ADHFE1: variants seen among roughly 807,000 people sequenced by gnomAD.
ADHFE1 encodes the protein hydroxyacid-oxoacid transhydrogenase, mitochondrial.
Under a neutral mutation model 54.8 loss-of-function variants are expected in ADHFE1, and 37 were observed. That is an observed-to-expected ratio of 0.68 (90% CI 0.52 to 0.89). The LOEUF (loss-of-function observed/expected upper bound fraction) is 0.89. ADHFE1 is among the 40% of genes least tolerant of loss of function. The pLI, the probability that ADHFE1 is intolerant of heterozygous loss-of-function variation, is 0.00. For missense variants in ADHFE1, 601 were observed against 591.2 expected (o/e 1.02, Z -0.17); for synonymous variants, 203 against 229.3 (o/e 0.89, Z 1.04).
chr8:66,448,644 C>T (rs1806151099), intron 7 of ADHFE1, among the ~76,000 whole-genome samples: 1 of 152,228 alleles, frequency 6.6e-6, no homozygotes, highest in South Asian at 2.1e-4. Flanking sequence ...GATGCATACA[C>T]ATGGCCCTTG....
Position 66,454,157 on chromosome 8 carries a change from G to A in ADHFE1, c.986G>A (p.Cys329Tyr). 1 of 1,613,842 alleles carries A rather than the reference G, an allele frequency of 6.2e-7. No individual in the cohort carries two copies. Among genetic ancestry groups the A allele is most frequent in the Non-Finnish European group, 8.5e-7 (1 of 1,179,906 alleles). ...TTTGGAAATGCTGGTGTTCATCTGT[G>A]GTGAGCAAGTCTGAGATTTCATTTC... Reference protein sequence around the residue: ...IGFGNAGVHLCHGMSYPISGL... With the variant: ...IGFGNAGVHLYHGMSYPISGL... Residue 329 changes from cysteine (C) to tyrosine (Y), a missense_variant and splice_region_variant, in exon 10 of 14, where the codon TGC becomes TAC. Physicochemically the swap from Cys to Tyr is radical, Grantham distance 194. Coordinates refer to ENST00000396623, the MANE Select transcript of ADHFE1 (RefSeq NM_144650.3).
chr8:66,443,055 C>A (rs1805839376), intron 3 of ADHFE1, among the ~76,000 whole-genome samples: 1 of 152,078 alleles, frequency 6.6e-6, no homozygotes, highest in Non-Finnish European at 1.5e-5. Context: ...AGAGTGCTGT[C>A]TTTGTAGAGT....
chr8:66,442,133 C>T (rs1446115401), intron 2 of ADHFE1, among the ~76,000 whole-genome samples: 1 of 152,014 alleles, frequency 6.6e-6, no homozygotes, highest in Non-Finnish European at 1.5e-5. Context: ...GTAAGCAAGC[C>T]TCTAATTCAT....
chr8:66,440,350 G>A (rs1224419086), intron 2 of ADHFE1, 151 bp downstream of exon 2: 6 of 720,848 alleles, frequency 8.3e-6, no homozygotes, highest in Admixed American at 5.3e-5. Flanking sequence ...TTGATAACAC[G>A]TAACTCTATA....
chr8:66,457,155 C>A lies in ADHFE1; in HGVS notation c.1151C>A (p.Ala384Glu). The A allele has an allele frequency of 1.9e-6, 3 of 1,612,972 alleles. No individual in the cohort carries two copies. The highest frequency in any genetic ancestry group is 2.5e-6 in the Non-Finnish European group (3 of 1,179,342). ...QMFPERHLEM[A>E]EILGADTRTA... ...TTTCCAGAGCGACACCTGGAGATGG[C>A]AGAAATACTGGGTATGAACCATTAC... Residue 384 changes from alanine to glutamate, a missense_variant, in exon 12 of 14, where the codon GCA becomes GAA. Physicochemically the swap from Ala to Glu is moderately radical, Grantham distance 107 (BLOSUM62 -1). Transcript: ENST00000396623.
chr8:66,442,898 C>A, intron 3 of ADHFE1, 54 bp downstream of exon 3: 1 of 1,363,798 alleles, frequency 7.3e-7, no homozygotes, highest in Non-Finnish European at 1.0e-6. Context: ...AAAAATAAAA[C>A]TAGAATATTT....
intron 12 of ADHFE1, among the ~76,000 whole-genome samples, chr8:66,458,977 C>T (rs1037435579): frequency 1.3e-5 from 2 of 152,212 alleles, no homozygotes; most frequent in African/African-American, 4.8e-5. Flanking sequence ...TCTTGTCAGG[C>T]AAGGTTTACC....
intron 2 of ADHFE1, among the ~76,000 whole-genome samples, chr8:66,442,453 G>A (rs1805805789): frequency 6.6e-6 from 1 of 151,810 alleles, no homozygotes; most frequent in African/African-American, 2.4e-5. Context: ...TCGGACTACA[G>A]GCGCTCGCCA....
chr8:66,435,468 G>A (rs1391462109), intron 1 of ADHFE1, among the ~76,000 whole-genome samples: 1 of 151,956 alleles, frequency 6.6e-6, no homozygotes, highest in Non-Finnish European at 1.5e-5. Context: ...CTTCACAGCT[G>A]GCACTCATCT....
At position 66,451,722 on chromosome 8, in the gene ADHFE1, C is replaced by A. The variant is rs567771848; in HGVS notation, c.735-231C>A. On this transcript the variant is annotated intron_variant, in intron 8 of 13. Coordinates refer to ENST00000396623, the MANE Select transcript of ADHFE1 (RefSeq NM_144650.3). The stretch of plus-strand genomic sequence containing the variant: ...CATATATAATCTTATACATACTACT[C>A]AAAAATACTGTAATGCTGTTAATGT... 3.3e-5 allele frequency among the ~76,000 whole-genome samples: 5 copies of A among 152,212 alleles called. No homozygotes were observed. The East Asian group carries it at 7.7e-4, about 23-fold the overall frequency.
In ADHFE1 at chr8:66,444,434, A is replaced by G. The variant is rs1281538916; in HGVS notation, c.198+14A>G. 1.9e-6 allele frequency: 3 copies of G among 1,613,670 alleles called. No individual in the cohort carries two copies. The highest frequency in any genetic ancestry group is 2.2e-5 in the South Asian group (2 of 91,054). The stretch of plus-strand genomic sequence containing the variant: ...GAAGTAGGAATGGCAAGTATTCGAG[A>G]TGTCTACGGTCTCCTACTGTAAATG... On this transcript the variant is annotated intron_variant, in intron 4 of 13. Transcript: ENST00000396623.
chr8:66,440,432 A>G (rs530022683), intron 2 of ADHFE1, among the ~76,000 whole-genome samples: 7 of 152,306 alleles, frequency 4.6e-5, no homozygotes, highest in African/African-American at 1.7e-4. Flanking sequence ...GCTACTTACA[A>G]CGCTTTTCTC....
rs368925886 is a variant in ADHFE1, at chr8:66,456,812, T to C, written c.987-5T>C. ...ATGAACATAAGGATTTTCTTTCTTT[T>C]CTAGCCATGGAATGTCTTACCCAAT... On this transcript the variant is annotated splice_polypyrimidine_tract_variant and splice_region_variant and intron_variant, in intron 10 of 13. Coordinates refer to ENST00000396623, the MANE Select transcript of ADHFE1 (RefSeq NM_144650.3). 966 of 1,605,952 alleles carry C rather than the reference T, an allele frequency of 6.0e-4. 11 individuals carry two copies. The South Asian group carries it at 0.01, about 17-fold the overall frequency.
Position 66,454,104 on chromosome 8 carries a change from C to T in ADHFE1, c.933C>T (p.His311=). 2 of 1,614,162 alleles carry T rather than the reference C, an allele frequency of 1.2e-6. No homozygotes were observed. Among genetic ancestry groups the T allele is most frequent in the Non-Finnish European group, 1.7e-6 (2 of 1,180,008 alleles). The change falls in exon 10 of 14, where the codon CAC becomes CAT. Residue 311 remains histidine (H), a synonymous_variant. Transcript: ENST00000396623. ...ATCTTGAAGCAAGGTCTCATATGCACTTGGCAAGTGCTTTTGCTGGCATCG... is the reference window on the plus strand; with the variant it reads ...ATCTTGAAGCAAGGTCTCATATGCATTTGGCAAGTGCTTTTGCTGGCATCG... ...PDDLEARSHM[H]LASAFAGIGF...
intron 13 of ADHFE1, among the ~76,000 whole-genome samples, chr8:66,466,553 A>AT (rs200068965): frequency 0.56 from 85,510 of 151,614 alleles, 25,148 homozygotes; most frequent in African/African-American, 0.72. Context: ...TACCAGACAA[A>AT]ACAAATACCT....
At chr8:66,433,967 G>A (rs2130318534) in intron 1 of ADHFE1, among the ~76,000 whole-genome samples, 1 of 152,332 alleles carries the variant, frequency 6.6e-6, no homozygotes, top group South Asian at 2.1e-4. Context: ...TTTTTGGAAT[G>A]GTTGCATGAA....
At chr8:66,460,571 G>A (rs1356490071) in intron 13 of ADHFE1, 106 bp downstream of exon 13, 42 of 1,378,792 alleles carry the variant, frequency 3.0e-5, no homozygotes, top group South Asian at 5.7e-5. Context: ...AGGGCTCCCC[G>A]GTGGTTCTCG....
intron 13 of ADHFE1, among the ~76,000 whole-genome samples, chr8:66,461,481 T>C (rs1345427664): frequency 6.6e-6 from 1 of 152,124 alleles, no homozygotes; most frequent in Admixed American, 6.6e-5. Flanking sequence ...ACTTCGCTAG[T>C]GCTTAGAATG....
intron 2 of ADHFE1, 72 bp from the exon 3 acceptor site, chr8:66,442,726 G>A: frequency 1.5e-6 from 2 of 1,343,452 alleles, no homozygotes; most frequent in Non-Finnish European, 2.1e-6. Context: ...GTTCACTGCT[G>A]GATTTTACTA....
Sources: gnomAD v4.1 joint callset for allele counts (sites outside exome capture counted in the v4.1 genomes callset) on GRCh38, gnomAD v4.1.1 for gene constraint, MANE v1.5 for transcripts, NCBI Gene and HGNC (gene_info 2026-07-23, HGNC 2026-07-21) for gene names.